PIP5K1B: variants seen among roughly 807,000 people sequenced by gnomAD.
PIP5K1B encodes the protein phosphatidylinositol-4-phosphate 5-kinase type 1 beta, also known as phosphatidylinositol 4-phosphate 5-kinase type-1 beta.
Under a neutral mutation model 67.0 loss-of-function variants are expected in PIP5K1B, and 42 were observed. The observed-to-expected ratio is 0.63, with a 90% CI of 0.49 to 0.81. The LOEUF (loss-of-function observed/expected upper bound fraction) is 0.81, where lower values mean the gene tolerates loss of function less well. Among genes scored for constraint, PIP5K1B ranks in the 30% least tolerant of loss-of-function variants. The pLI is 0.00. For synonymous variants in PIP5K1B, 214 were observed against 231.4 expected (o/e 0.92, Z 0.68); for missense variants, 459 against 646.3 (o/e 0.71, Z 3.14).
intron 14 of PIP5K1B, among the ~76,000 whole-genome samples, chr9:68,976,971 A>G (rs1829659391): frequency 6.6e-6 from 1 of 152,130 alleles, no homozygotes; most frequent in Non-Finnish European, 1.5e-5. Context: ...GCTTTTCTCT[A>G]GCTAGAGAAC....
At chr9:68,750,167 T>C (rs1321161780) in intron 2 of PIP5K1B, among the ~76,000 whole-genome samples, 6 of 152,250 alleles carry the variant, frequency 3.9e-5, no homozygotes, top group African/African-American at 1.4e-4. Flanking sequence ...CTGTTTTCCA[T>C]AGTTTCTGTT....
intron 2 of PIP5K1B, among the ~76,000 whole-genome samples, chr9:68,754,566 C>A (rs1386515718): frequency 6.6e-6 from 1 of 152,044 alleles, no homozygotes; most frequent in Non-Finnish European, 1.5e-5. Flanking sequence ...TGAATTTTTA[C>A]CCCATTTTAT....
intron 3 of PIP5K1B, among the ~76,000 whole-genome samples, chr9:68,820,902 A>G (rs955363290): frequency 1.3e-5 from 2 of 152,356 alleles, no homozygotes; most frequent in Admixed American, 6.5e-5. Flanking sequence ...ATCTTAAGGC[A>G]TTAGAATTCA....
chr9:68,728,067 A>C (rs1828241475), intron 1 of PIP5K1B, among the ~76,000 whole-genome samples: 1 of 152,198 alleles, frequency 6.6e-6, no homozygotes, highest in South Asian at 2.1e-4. Flanking sequence ...AAGGAGTAGA[A>C]TGATGGTAGT....
At chr9:68,843,246 TCTTGGCAAAGACCG>T (rs1822009680) in intron 4 of PIP5K1B, 1 of 152,204 alleles carries the variant, frequency 6.6e-6, no homozygotes, top group Admixed American at 6.5e-5. Flanking sequence ...CATGGACAAG[TCTTGGCAAAGACCG>T]CTATGGCAGC....
At chr9:68,958,724 C>T (rs888353204) in intron 14 of PIP5K1B, among the ~76,000 whole-genome samples, 1 of 152,070 alleles carries the variant, frequency 6.6e-6, no homozygotes, top group African/African-American at 2.4e-5. Context: ...AAGAATCAGG[C>T]CACAGTGTTG....
chr9:68,711,268 C>G (rs1221316661), intron 1 of PIP5K1B, among the ~76,000 whole-genome samples: 1 of 152,042 alleles, frequency 6.6e-6, no homozygotes, highest in Non-Finnish European at 1.5e-5. Flanking sequence ...CACTTTTTTT[C>G]TTTCTTTTTT....
intron 2 of PIP5K1B, among the ~76,000 whole-genome samples, chr9:68,749,691 G>A (rs1829520899): frequency 6.6e-6 from 1 of 152,118 alleles, no homozygotes; most frequent in African/African-American, 2.4e-5. Flanking sequence ...TGAGAGCAGG[G>A]CTTCTCAACC....
chr9:68,888,211 C>T (rs1024771795), intron 6 of PIP5K1B, among the ~76,000 whole-genome samples: 1 of 152,116 alleles, frequency 6.6e-6, no homozygotes, highest in African/African-American at 2.4e-5. Context: ...ATCTCCTGAC[C>T]TCGTCATCCA....
intron 14 of PIP5K1B, among the ~76,000 whole-genome samples, chr9:68,989,294 T>C (rs893469646): frequency 6.6e-5 from 10 of 152,110 alleles, no homozygotes; most frequent in African/African-American, 2.4e-4. Flanking sequence ...TGGCCTCCTG[T>C]TCAGCTTGGA....
intron 1 of PIP5K1B, among the ~76,000 whole-genome samples, chr9:68,715,011 G>A (rs114992150): frequency 4.3e-4 from 65 of 152,284 alleles, no homozygotes; most frequent in African/African-American, 1.4e-3. Context: ...ACCACCTGTG[G>A]TCTAGGAATA....
intron 4 of PIP5K1B, among the ~76,000 whole-genome samples, chr9:68,838,775 T>A (rs1821765209): frequency 6.6e-6 from 1 of 152,206 alleles, no homozygotes; most frequent in Admixed American, 6.5e-5. Context: ...TTTTAATTAA[T>A]TAACTAAAAT....
At chr9:68,880,153 A>G (rs1321117424) in intron 6 of PIP5K1B, among the ~76,000 whole-genome samples, 1 of 152,252 alleles carries the variant, frequency 6.6e-6, no homozygotes, top group African/African-American at 2.4e-5. Flanking sequence ...TGAGTTGATC[A>G]TTGATTGATC....
intron 2 of PIP5K1B, among the ~76,000 whole-genome samples, chr9:68,750,579 GA>G (rs1301421111): frequency 2.0e-5 from 3 of 152,234 alleles, no homozygotes; most frequent in African/African-American, 7.2e-5. Context: ...CTTTTGTAAG[GA>G]AGAGGAACGT....
In PIP5K1B at chr9:68,940,771, C is replaced by G; in HGVS notation, c.1483C>G (p.Pro495Ala). 1.2e-6 allele frequency: 2 copies of G among 1,613,834 alleles called. No homozygotes were observed. The highest frequency in any genetic ancestry group is 1.7e-4 in the Middle Eastern group (1 of 6,060). Residue 495 changes from proline (P) to alanine (A), a missense_variant, in exon 14 of 16, where the codon CCT (proline) becomes GCT (alanine). Transcript: ENST00000265382. The part of the protein sequence containing the change: ...YVNEHYPHDR[P>A]TLYSNSKGLP... Reference sequence around the variant, plus strand: ...CAATGAGCACTATCCACACGACAGGCCTACACTCTATTCAAACAGGTAATA... The same window carrying G: ...CAATGAGCACTATCCACACGACAGGGCTACACTCTATTCAAACAGGTAATA...
intron 15 of PIP5K1B, among the ~76,000 whole-genome samples, chr9:68,998,753 C>G (rs768172295): frequency 9.2e-5 from 14 of 152,186 alleles, no homozygotes; most frequent in African/African-American, 2.9e-4. Flanking sequence ...GTAAACAGGA[C>G]TGTTCTCATT....
intron 2 of PIP5K1B, chr9:68,789,025 A>G (rs1831803729): frequency 7.4e-6 from 3 of 405,428 alleles, no homozygotes; most frequent in South Asian, 5.0e-5. Flanking sequence ...TGGCATTCCA[A>G]TCAGCTTGAT....
At chr9:68,828,140 C>G (rs571864690) in intron 4 of PIP5K1B, among the ~76,000 whole-genome samples, 2 of 152,334 alleles carry the variant, frequency 1.3e-5, no homozygotes, top group South Asian at 4.1e-4. Context: ...CGTGCACTGC[C>G]ATTTGCCTTT....
intron 8 of PIP5K1B, among the ~76,000 whole-genome samples, chr9:68,916,857 G>C (rs1027015709): frequency 6.7e-6 from 1 of 149,632 alleles, no homozygotes; most frequent in African/African-American, 2.5e-5. Context: ...GGGCGACAGG[G>C]CGAGACTCTG....
Sources: allele counts gnomAD v4.1 joint callset (sites outside exome capture counted in the v4.1 genomes callset), GRCh38; gene constraint gnomAD v4.1.1; transcripts MANE v1.5; gene names NCBI Gene and HGNC (gene_info 2026-07-23, HGNC 2026-07-21).